Variants in CTNND2 observed in about 807,000 individuals in gnomAD.
CTNND2 encodes catenin delta-2.
Under a neutral mutation model 144.4 loss-of-function variants are expected in CTNND2, and 22 were observed. The observed-to-expected ratio is 0.15, with a 90% confidence interval of 0.11 to 0.22. CTNND2 has a LOEUF of 0.22. Among genes scored for constraint, CTNND2 ranks in the 10% least tolerant of loss-of-function variants. The pLI is 1.00. For missense variants in CTNND2, 1,353 were observed against 1,618.8 expected, an observed-to-expected ratio of 0.84 and a Z score of 2.82; for synonymous variants, 751 against 695.6, an observed-to-expected ratio of 1.08 and a Z score of -1.25.
At chr5:11,679,318 C>G (rs141363231) in intron 2 of CTNND2, among the ~76,000 whole-genome samples, 33 of 152,286 alleles carry the variant, frequency 2.2e-4, no homozygotes, top group Non-Finnish European at 5.9e-5. Context: ...TTACTGAGTA[C>G]CTATATGGGC....
chr5:11,422,214 C>T (rs972242875), intron 3 of CTNND2, among the ~76,000 whole-genome samples: 2 of 142,278 alleles, frequency 1.4e-5, no homozygotes, highest in Admixed American at 6.8e-5. Flanking sequence ...ATATTGTCTA[C>T]CTTTTTTTCC....
intron 3 of CTNND2, among the ~76,000 whole-genome samples, chr5:11,486,129 A>G (rs1222995086): frequency 3.3e-5 from 5 of 152,244 alleles, no homozygotes; most frequent in African/African-American, 1.2e-4. Context: ...GGAAGGAAGC[A>G]GCCTCCATTT....
intron 2 of CTNND2, among the ~76,000 whole-genome samples, chr5:11,566,466 T>C (rs993808232): frequency 6.6e-6 from 1 of 152,182 alleles, no homozygotes; most frequent in African/African-American, 2.4e-5. Context: ...TTTAGAAGAT[T>C]TTTTCACTTC....
chr5:11,539,692 C>A (rs1317838198), intron 3 of CTNND2, among the ~76,000 whole-genome samples: 41 of 152,178 alleles, frequency 2.7e-4, no homozygotes, highest in Non-Finnish European at 1.5e-5. Context: ...GCCACTGGGG[C>A]TCTCATGGCA....
chr5:11,622,018 C>G (rs1481726731), intron 2 of CTNND2, among the ~76,000 whole-genome samples: 2 of 152,098 alleles, frequency 1.3e-5, no homozygotes, highest in African/African-American at 4.8e-5. Flanking sequence ...TCAAATTTGT[C>G]AAATGGATGC....
chr5:11,128,989 A>T (rs10474910), intron 12 of CTNND2, among the ~76,000 whole-genome samples: 2,394 of 25,734 alleles, frequency 0.093, 411 homozygotes, highest in Middle Eastern at 0.17. Flanking sequence ...AAATATATAT[A>T]ATATATAATA....
chr5:11,412,009 G>T (rs766150180), intron 4 of CTNND2, 26 bp downstream of exon 4: 4 of 1,582,264 alleles, frequency 2.5e-6, no homozygotes, highest in Non-Finnish European at 3.5e-6. Flanking sequence ...AGAAGTGTAA[G>T]TGTTCATCAA....
chr5:11,123,957 G>A (rs192691828), intron 12 of CTNND2, among the ~76,000 whole-genome samples: 4 of 152,314 alleles, frequency 2.6e-5, no homozygotes, highest in Admixed American at 2.6e-4. Context: ...TAGACCAATG[G>A]CCATCAGCTT....
At chr5:11,285,295 T>C (rs1358270059) in intron 9 of CTNND2, among the ~76,000 whole-genome samples, 1 of 152,218 alleles carries the variant, frequency 6.6e-6, no homozygotes, top group East Asian at 1.9e-4. Flanking sequence ...TTCCTTGTTG[T>C]ATTCAGAATG....
chr5:11,477,426 T>G (rs1767859174), intron 3 of CTNND2, among the ~76,000 whole-genome samples: 1 of 152,036 alleles, frequency 6.6e-6, no homozygotes, highest in Admixed American at 6.6e-5. Context: ...TTTGTTTTGT[T>G]TAAGATCTAG....
chr5:11,644,445 C>T (rs939948677), intron 2 of CTNND2, among the ~76,000 whole-genome samples: 8 of 152,084 alleles, frequency 5.3e-5, no homozygotes, highest in African/African-American at 1.9e-4. Context: ...GAGGCCAAGA[C>T]GGGTGGATCA....
intron 11 of CTNND2, among the ~76,000 whole-genome samples, chr5:11,172,263 C>T (rs1167627925): frequency 6.6e-6 from 1 of 151,984 alleles, no homozygotes; most frequent in African/African-American, 2.4e-5. Flanking sequence ...GTCCTGGTGA[C>T]TTTAACTGAC....
intron 3 of CTNND2, among the ~76,000 whole-genome samples, chr5:11,457,754 C>T (rs189212807): frequency 5.1e-4 from 77 of 152,338 alleles, no homozygotes; most frequent in Non-Finnish European, 1.0e-3. Context: ...TTTCTGCCAT[C>T]ATCATGGGTG....
At chr5:11,765,131 G>T (rs1581845599) in intron 1 of CTNND2, among the ~76,000 whole-genome samples, 1 of 141,332 alleles carries the variant, frequency 7.1e-6, no homozygotes, top group Non-Finnish European at 1.5e-5. Flanking sequence ...CCAATTTAAT[G>T]CAGACAAGCA....
chr5:11,017,124 C>T (rs1043676568), intron 18 of CTNND2, among the ~76,000 whole-genome samples: 2 of 151,690 alleles, frequency 1.3e-5, no homozygotes, highest in African/African-American at 4.8e-5. Context: ...TGCTTGCTGG[C>T]CTTGTCACAA....
intron 14 of CTNND2, among the ~76,000 whole-genome samples, chr5:11,104,435 A>G (rs1168894899): frequency 6.6e-6 from 1 of 152,170 alleles, no homozygotes; most frequent in Non-Finnish European, 1.5e-5. Context: ...GTACTTTAAA[A>G]AGCAACAATA....
At chr5:11,702,719 T>A (rs1224076478) in intron 2 of CTNND2, among the ~76,000 whole-genome samples, 1 of 152,178 alleles carries the variant, frequency 6.6e-6, no homozygotes, top group Non-Finnish European at 1.5e-5. Flanking sequence ...CTTGAGGGCT[T>A]CCCCTGGGTA....
chr5:11,654,482 G>T (rs1470843529), intron 2 of CTNND2, among the ~76,000 whole-genome samples: 1 of 151,192 alleles, frequency 6.6e-6, no homozygotes, highest in Non-Finnish European at 1.5e-5. Flanking sequence ...TATTTTTTTT[G>T]ATGTTATTGT....
intron 10 of CTNND2, among the ~76,000 whole-genome samples, chr5:11,223,379 G>A (rs1162210727): frequency 6.6e-6 from 1 of 152,202 alleles, no homozygotes; most frequent in Non-Finnish European, 1.5e-5. Context: ...CAGAAGCTGA[G>A]TTGACAGCCA....
Sources: gnomAD v4.1 joint callset for allele counts (sites outside exome capture counted in the v4.1 genomes callset) on GRCh38, gnomAD v4.1.1 for gene constraint, MANE v1.5 for transcripts, NCBI Gene and HGNC (gene_info 2026-07-23, HGNC 2026-07-21) for gene names.